FRAS1: variants seen among roughly 807,000 people sequenced by gnomAD.
FRAS1 encodes the protein extracellular matrix organizing protein FRAS1.
Under a neutral mutation model 435.2 loss-of-function variants are expected in FRAS1, and 290 were observed. The observed-to-expected ratio is 0.67, with a 90% CI of 0.61 to 0.73. FRAS1 has a LOEUF of 0.73. FRAS1 is among the 30% of genes least tolerant of loss of function. FRAS1 has a pLI of 0.00. For synonymous variants in FRAS1, 1,800 were observed against 1,851.0 expected (o/e 0.97, Z 0.71); for missense variants, 4,860 against 5,001.5 (o/e 0.97, Z 0.85).
Position 78,540,483 on chromosome 4 carries a change from G to A in FRAS1, c.11446-48G>A, listed in dbSNP as rs201601695. On this transcript the variant is annotated intron_variant, in intron 73 of 73. Coordinates refer to ENST00000512123, the MANE Select transcript of FRAS1 (RefSeq NM_025074.7). Reference sequence around the variant, plus strand: ...ATTATCCTTCCATTTCCTTTCTTCAGAGGTGGTCTGTGGGCAACAACAACA... The same window carrying A: ...ATTATCCTTCCATTTCCTTTCTTCAAAGGTGGTCTGTGGGCAACAACAACA... 1.6e-4 allele frequency: 196 copies of A among 1,244,256 alleles called. No individual in the cohort carries two copies. The highest frequency in any genetic ancestry group is 9.5e-4 in the Admixed American group (38 of 39,832). The allele number at this position is 1,244,256 out of a possible 1,614,324, so 77.1% of individuals were successfully genotyped here.
chr4:78,411,136 A>C (rs1335254013), intron 31 of FRAS1, among the ~76,000 whole-genome samples: 1 of 145,048 alleles, frequency 6.9e-6, no homozygotes, highest in Non-Finnish European at 1.5e-5. Flanking sequence ...TCTGAGACAG[A>C]GTTTCACTCA....
chr4:78,315,051 T>C (rs986186880), intron 15 of FRAS1, among the ~76,000 whole-genome samples: 3 of 152,158 alleles, frequency 2.0e-5, no homozygotes, highest in East Asian at 1.9e-4. Flanking sequence ...TTAGCATATG[T>C]TTTAGGTGGT....
chr4:78,418,148 C>T (rs1733625615), intron 32 of FRAS1, among the ~76,000 whole-genome samples: 1 of 152,190 alleles, frequency 6.6e-6, no homozygotes, highest in South Asian at 2.1e-4. Flanking sequence ...ATTAACATTG[C>T]CTCATTCATT....
chr4:78,178,792 C>T (rs944515542), intron 2 of FRAS1, among the ~76,000 whole-genome samples: 11 of 152,106 alleles, frequency 7.2e-5, no homozygotes, highest in Non-Finnish European at 1.3e-4. Context: ...TTTTGAGGTT[C>T]CAGGTGCACA....
chr4:78,372,881 C>T lies in FRAS1; in HGVS notation c.3010+23C>T, dbSNP rs559890762. ...AGAGTAAGTGTGTAGAGGCCCTGCT[C>T]TGTGCTCAGCCATACCTTGGCCACC... On this transcript the variant is annotated intron_variant, in intron 24 of 73. Transcript: ENST00000512123. The T allele has an allele frequency of 3.7e-5, 60 of 1,606,604 alleles. No individual in the cohort carries two copies. The South Asian group carries it at 6.0e-4, about 16-fold the overall frequency.
intron 2 of FRAS1, chr4:78,181,002 C>T (rs1052046870): frequency 2.5e-5 from 40 of 1,607,186 alleles, no homozygotes; most frequent in Middle Eastern, 1.7e-4. Context: ...ACGTCCTGGG[C>T]GGCCAAGGTC....
At chr4:78,130,290 G>A (rs797006188) in intron 2 of FRAS1, among the ~76,000 whole-genome samples, 4 of 152,232 alleles carry the variant, frequency 2.6e-5, no homozygotes, top group African/African-American at 9.6e-5. Flanking sequence ...AAAATGCTTA[G>A]TAAATTCTGA....
In FRAS1 at chr4:78,443,759, A is replaced by T. The variant is rs1038804819; in HGVS notation, c.5666-1763A>T. On this transcript the variant is annotated intron_variant, in intron 41 of 73. Coordinates refer to ENST00000512123, the MANE Select transcript of FRAS1 (RefSeq NM_025074.7). The stretch of plus-strand genomic sequence containing the variant: ...GATTGGAGCTTAAAGCTTCAGTGAC[A>T]GATTCACTTGTTTAATAGCTTGTTC... Among the ~76,000 whole-genome samples, 7 of 152,384 alleles carry T rather than the reference A, an allele frequency of 4.6e-5. No individual in the cohort carries two copies. The South Asian group carries it at 1.4e-3, about 32-fold the overall frequency.
chr4:78,407,892 A>C, intron 31 of FRAS1, 51 bp downstream of exon 31: 2 of 1,432,202 alleles, frequency 1.4e-6, no homozygotes, highest in Non-Finnish European at 1.9e-6. Flanking sequence ...CAATAATCCA[A>C]TCGCTCTTAT....
At chr4:78,118,367 G>A (rs1053647829) in intron 2 of FRAS1, among the ~76,000 whole-genome samples, 9 of 152,110 alleles carry the variant, frequency 5.9e-5, no homozygotes, top group Non-Finnish European at 8.8e-5. Flanking sequence ...TGTCAGACAG[G>A]GACATTTAAG....
chr4:78,301,030 T>A (rs937747111), intron 14 of FRAS1, among the ~76,000 whole-genome samples: 5 of 152,234 alleles, frequency 3.3e-5, no homozygotes, highest in African/African-American at 1.2e-4. Context: ...AATTAGGACT[T>A]GCTTGTGCAA....
At position 78,387,510 on chromosome 4, in the gene FRAS1, C is replaced by T. The variant is rs368660997; in HGVS notation, c.3784C>T (p.His1262Tyr). The part of the protein sequence containing the change: ...VVIEIIDPPL[H>Y]GQLLQTLQSP... ...CATTGAAATAATCGATCCTCCACTT[C>T]ATGGCCAATTGCTTCAGACACTTCA... Residue 1262 changes from histidine to tyrosine, a missense_variant, in exon 29 of 74, where the codon CAT (histidine) becomes TAT (tyrosine). Coordinates refer to ENST00000512123, the MANE Select transcript of FRAS1 (RefSeq NM_025074.7). 33 of 1,613,724 alleles carry T rather than the reference C, an allele frequency of 2.0e-5. No homozygotes were observed. In the African/African-American group the frequency reaches 4.3e-4, roughly 21 times the overall value.
Position 78,205,617 on chromosome 4 carries a change from T to C in FRAS1, c.109-31893T>C, listed in dbSNP as rs779279367. 2.6e-5 allele frequency among the ~76,000 whole-genome samples: 4 copies of C among 152,188 alleles called. No homozygotes were observed. The South Asian group carries it at 6.2e-4, about 24-fold the overall frequency. On this transcript the variant is annotated intron_variant, in intron 2 of 73. Coordinates refer to ENST00000512123, the MANE Select transcript of FRAS1 (RefSeq NM_025074.7). The stretch of plus-strand genomic sequence containing the variant: ...ATCTAGTTACTGCTGAACTATCAGG[T>C]TGGGAGTAGAAAAGAGAAATTTTAA...
chr4:78,422,739 A>G (rs951781666), intron 34 of FRAS1, among the ~76,000 whole-genome samples: 52 of 152,290 alleles, frequency 3.4e-4, no homozygotes, highest in African/African-American at 1.1e-3. Context: ...TTTCAGGTAT[A>G]GGGAACTAGG....
intron 61 of FRAS1, among the ~76,000 whole-genome samples, chr4:78,502,859 A>C (rs1454877096): frequency 2.0e-5 from 3 of 152,132 alleles, no homozygotes; most frequent in Non-Finnish European, 4.4e-5. Context: ...GTTTGTCATA[A>C]ATAGCTCTTA....
intron 2 of FRAS1, among the ~76,000 whole-genome samples, chr4:78,083,159 T>C (rs1289454073): frequency 6.6e-6 from 1 of 152,140 alleles, no homozygotes; most frequent in Non-Finnish European, 1.5e-5. Context: ...GGAGGCTTCA[T>C]GCTGCAGGGG....
intron 58 of FRAS1, among the ~76,000 whole-genome samples, chr4:78,486,172 T>C (rs1185882165): frequency 6.6e-6 from 1 of 152,226 alleles, no homozygotes; most frequent in African/African-American, 2.4e-5. Context: ...GGATTTCTCC[T>C]AAATTTCTGG....
intron 9 of FRAS1, among the ~76,000 whole-genome samples, chr4:78,276,524 C>T (rs1727046268): frequency 6.6e-6 from 1 of 152,198 alleles, no homozygotes; most frequent in African/African-American, 2.4e-5. Context: ...TATTAGTTTT[C>T]CTTCTAACAG....
chr4:78,091,649 C>CTA (rs1741532562), intron 2 of FRAS1, among the ~76,000 whole-genome samples: 1 of 145,830 alleles, frequency 6.9e-6, no homozygotes, highest in Admixed American at 6.9e-5. Context: ...GTGTGTGAAT[C>CTA]TATATATATA....
Sources: gnomAD v4.1 joint callset for allele counts (sites outside exome capture counted in the v4.1 genomes callset) on GRCh38, gnomAD v4.1.1 for gene constraint, MANE v1.5 for transcripts, NCBI Gene and HGNC (gene_info 2026-07-23, HGNC 2026-07-21) for gene names.